The following UFSP2 variants were observed in gnomAD, a reference collection of about 807,000 sequenced individuals.
UFSP2 encodes ufm1-specific protease 2.
Under a neutral mutation model 60.2 loss-of-function variants are expected in UFSP2, and 43 were observed. That is an observed-to-expected ratio of 0.71 (90% confidence interval 0.56 to 0.92). The LOEUF is 0.92. Ranked by LOEUF, UFSP2 falls within the 40% of genes least tolerant of loss-of-function variation. UFSP2 has a pLI of 0.00. For synonymous variants in UFSP2, 183 were observed against 195.1 expected (o/e 0.94, Z 0.52); for missense variants, 520 against 575.0 (o/e 0.90, Z 0.98).
chr4:185,412,558 G>GC (rs949772101), intron 7 of UFSP2, among the ~76,000 whole-genome samples: 7 of 152,156 alleles, frequency 4.6e-5, no homozygotes, highest in African/African-American at 1.7e-4. Context: ...TGCAGAGTTA[G>GC]CCAGGCAGCC....
intron 10 of UFSP2, among the ~76,000 whole-genome samples, chr4:185,403,849 C>T (rs927658401): frequency 9.3e-5 from 14 of 151,136 alleles, no homozygotes; most frequent in African/African-American, 2.9e-4. Context: ...TGGTGGCAGG[C>T]GCCTGTAGTC....
intron 7 of UFSP2, among the ~76,000 whole-genome samples, chr4:185,413,342 C>T (rs2095532866): frequency 6.6e-6 from 1 of 152,052 alleles, no homozygotes; most frequent in Non-Finnish European, 1.5e-5. Context: ...GAGCTGAGAT[C>T]ACACCATTGC....
intron 11 of UFSP2, chr4:185,402,192 C>T: frequency 2.5e-6 from 1 of 393,724 alleles, no homozygotes; most frequent in South Asian, 1.8e-5. Flanking sequence ...TCGTGTAATA[C>T]TAGTGCTTAG....
Position 185,399,678 on chromosome 4 carries a change from A to G in UFSP2, c.*714T>C. 6.2e-7 allele frequency: 1 copy of G among 1,614,200 alleles called. No homozygotes were observed. Among genetic ancestry groups the G allele is most frequent in the African/African-American group, 1.3e-5 (1 of 75,056 alleles). ...TTAAATGTATGCAGACAATAAAAGC[A>G]AGTGAACACCCTGACAGGAATGATT... On this transcript the variant is annotated 3_prime_UTR_variant, in exon 12 of 12. Coordinates refer to ENST00000264689, the MANE Select transcript of UFSP2 (RefSeq NM_018359.5).
chr4:185,410,201 A>G (rs547526737), intron 7 of UFSP2, among the ~76,000 whole-genome samples: 85 of 152,334 alleles, frequency 5.6e-4, no homozygotes, highest in Admixed American at 2.0e-3. Context: ...TTGGACATTA[A>G]CAAACACTTC....
chr4:185,419,086 TCCCC>T (rs1326430302), intron 2 of UFSP2, among the ~76,000 whole-genome samples: 5 of 152,116 alleles, frequency 3.3e-5, no homozygotes, highest in African/African-American at 1.2e-4. Flanking sequence ...CGTTTCTCAT[TCCCC>T]CTACTTTTCT....
At chr4:185,418,298 A>G (rs1311966384) in intron 4 of UFSP2, 143 bp downstream of exon 4, 1 of 606,346 alleles carries the variant, frequency 1.6e-6, no homozygotes, top group Admixed American at 3.5e-5. Flanking sequence ...CAAACATATA[A>G]CTTTTGGCAA....
At chr4:185,419,311 T>C (rs1359897543) in intron 2 of UFSP2, among the ~76,000 whole-genome samples, 3 of 152,166 alleles carry the variant, frequency 2.0e-5, no homozygotes, top group Non-Finnish European at 4.4e-5. Context: ...TTTGTATTTT[T>C]AGTAGAGACG....
In UFSP2 at chr4:185,399,907, G is replaced by A. The variant is rs1413675005; in HGVS notation, c.*485C>T. ...CATTCTCATTAACATTTTAGTACTGGTTATACTTACCAGAGTCTAGAGACC... is the reference window on the plus strand; with the variant it reads ...CATTCTCATTAACATTTTAGTACTGATTATACTTACCAGAGTCTAGAGACC... On this transcript the variant is annotated 3_prime_UTR_variant, in exon 12 of 12. Transcript: ENST00000264689. 3.2e-6 allele frequency: 5 copies of A among 1,543,324 alleles called. No individual in the cohort carries two copies. The highest frequency in any genetic ancestry group is 2.3e-5 in the East Asian group (1 of 42,880).
chr4:185,400,461 C>G lies in UFSP2; in HGVS notation c.1341G>C (p.Lys447Asn). ...CATCCTTGTTCCAAAAATCTGGGCC[C>G]TTCCATCCGCACCAGCCCTGGATAG... ...VILEKGWCGW[K>N]GPDFWNKDAY... is the part of the protein sequence containing the mutation. The change falls in exon 12 of 12, where the codon AAG becomes AAC. Residue 447 changes from lysine (K) to asparagine (N), a missense_variant. Transcript: ENST00000264689. 6.2e-7 allele frequency: 1 copy of G among 1,613,740 alleles called. No homozygotes were observed. The highest frequency in any genetic ancestry group is 8.5e-7 in the Non-Finnish European group (1 of 1,179,784).
chr4:185,415,215 A>AT lies in UFSP2; in HGVS notation c.623dup (p.Asn208LysfsTer20), dbSNP rs1252058978. On this transcript the variant is annotated frameshift_variant, in exon 6 of 12. Coordinates refer to ENST00000264689, the MANE Select transcript of UFSP2 (RefSeq NM_018359.5). LOFTEE classifies it high-confidence loss of function. ...CTGAAGGATATGAAATTGTTACAAG[A>AT]TTTTTTTTCCCTGGTAATAAAAAGT... The AT allele has an allele frequency of 1.0e-5, 16 of 1,606,924 alleles. No individual in the cohort carries two copies. Among genetic ancestry groups the AT allele is most frequent in the Admixed American group, 8.7e-5 (5 of 57,276 alleles).
rs112862502 is a variant in UFSP2, at chr4:185,415,450, G to A, written c.492-103C>T. 1.2e-5 allele frequency: 12 copies of A among 1,024,882 alleles called. No homozygotes were observed. In the South Asian group the frequency reaches 2.5e-4, roughly 21 times the overall value. 63.5% of individuals were successfully genotyped at this position (1,024,882 alleles called of 1,614,324 possible). A position where few individuals can be genotyped will look rare whatever the true frequency, so the allele number is the denominator to read the frequency against. On this transcript the variant is annotated intron_variant, in intron 5 of 11. Coordinates refer to ENST00000264689, the MANE Select transcript of UFSP2 (RefSeq NM_018359.5). The stretch of plus-strand genomic sequence containing the variant: ...CTTAGTATAGTAAAAAACTTGATTG[G>A]ACCAGGTTTGCTAAAGGAAGTCTGA...
In UFSP2 at chr4:185,400,187, A is replaced by C; in HGVS notation, c.*205T>G. 1.4e-6 allele frequency: 1 copy of C among 717,608 alleles called. No individual in the cohort carries two copies. The highest frequency in any genetic ancestry group is 2.3e-6 in the Non-Finnish European group (1 of 439,374). 44.5% of individuals were successfully genotyped at this position (717,608 alleles called of 1,614,324 possible). A position where few individuals can be genotyped will look rare whatever the true frequency, so the allele number is the denominator to read the frequency against. On this transcript the variant is annotated 3_prime_UTR_variant, in exon 12 of 12. Transcript: ENST00000264689. ...GAACACATGTATTTACATGCCTATA[A>C]TATGCTGGTTGTGTATGCTTTGTCT...
At position 185,415,866 on chromosome 4, in the gene UFSP2, T is replaced by C. The variant is rs150250628; in HGVS notation, c.335A>G (p.His112Arg). The change falls in exon 5 of 12, where the codon CAT (histidine) becomes CGT (arginine). Residue 112 changes from histidine (H) to arginine (R), a missense_variant and splice_region_variant. By Grantham distance (29) the His-to-Arg change is conservative. Coordinates refer to ENST00000264689, the MANE Select transcript of UFSP2 (RefSeq NM_018359.5). The stretch of plus-strand genomic sequence containing the variant: ...CATAAGATCTATATTTACTATTTGA[T>C]GCTATATAGATAAACAGTAATAGTC... Reference protein sequence around the residue: ...RKKDKKLSDMHQIVNIDLMLE... With the variant: ...RKKDKKLSDMRQIVNIDLMLE... 4.3e-6 allele frequency: 7 copies of C among 1,610,494 alleles called. No homozygotes were observed. In the African/African-American group the frequency reaches 6.7e-5, roughly 15 times the overall value.
intron 7 of UFSP2, among the ~76,000 whole-genome samples, chr4:185,411,184 GACT>G (rs1280122146): frequency 6.0e-5 from 9 of 150,826 alleles, no homozygotes; most frequent in African/African-American, 1.7e-4. Context: ...AAAATATTAT[GACT>G]ACAAGATATA....
rs373162790 is a variant in UFSP2, at chr4:185,422,481, C to T, written c.82+4G>A. 6.9e-6 allele frequency: 11 copies of T among 1,603,710 alleles called. No homozygotes were observed. The African/African-American group carries it at 1.1e-4, about 16-fold the overall frequency. ...AATAAAAAAGAATTTTTCAGAAGAC[C>T]TACCATTAGGAGTAGCTAGCTGAAA... On this transcript the variant is annotated splice_donor_region_variant and intron_variant, in intron 2 of 11. Transcript: ENST00000264689.
chr4:185,417,524 C>A (rs1242215321), intron 4 of UFSP2, among the ~76,000 whole-genome samples: 1 of 152,184 alleles, frequency 6.6e-6, no homozygotes, highest in Non-Finnish European at 1.5e-5. Flanking sequence ...TGCAATCCCT[C>A]TTCTCTATTT....
chr4:185,404,946 C>T (rs930773090), intron 10 of UFSP2, among the ~76,000 whole-genome samples: 4 of 151,766 alleles, frequency 2.6e-5, no homozygotes, highest in Non-Finnish European at 2.9e-5. Flanking sequence ...CTACTGGGCC[C>T]GGCCTACTCA....
intron 11 of UFSP2, chr4:185,402,116 TCTCGAGAGTCC>T: frequency 1.7e-5 from 5 of 287,374 alleles, no homozygotes; most frequent in South Asian, 3.3e-5. Flanking sequence ...ATTTTTTTTT[TCTCGAGAGTCC>T]TTTTTGCACT....
Sources: allele counts gnomAD v4.1 joint callset (sites outside exome capture counted in the v4.1 genomes callset), GRCh38; gene constraint gnomAD v4.1.1; transcripts MANE v1.5; gene names NCBI Gene and HGNC (gene_info 2026-07-23, HGNC 2026-07-21).